Variants in KIF14 observed in about 807,000 individuals in gnomAD.
KIF14 encodes kinesin family member 14.
In KIF14, 98 loss-of-function variants were observed where a neutral mutation model predicts 176.2. The observed-to-expected ratio is 0.56, with a 90% confidence interval of 0.47 to 0.66. The LOEUF (loss-of-function observed/expected upper bound fraction) is 0.66, where lower values mean the gene tolerates loss of function less well. Among genes scored for constraint, KIF14 ranks in the 30% least tolerant of loss-of-function variants. KIF14 has a pLI of 0.00. For missense variants in KIF14, 1,751 were observed against 1,920.4 expected, an observed-to-expected ratio of 0.91 and a Z score of 1.65; for synonymous variants, 566 against 632.2, an observed-to-expected ratio of 0.90 and a Z score of 1.57.
rs761059734 is a variant in KIF14 at position 200,580,347 on chromosome 1, A to G, written c.3372T>C (p.Ser1124=). 2 of 1,523,698 alleles carry G rather than the reference A, an allele frequency of 1.3e-6. No individual in the cohort carries two copies. Among genetic ancestry groups the G allele is most frequent in the South Asian group, 2.7e-5 (2 of 75,078 alleles). 94.4% of individuals were successfully genotyped at this position (1,523,698 alleles called of 1,614,324 possible). ...CTAGTTTCAGGTTACGAACCCGAAT[A>G]GAAGTGTCAGAACTACTTTTATCTG... The part of the protein sequence containing the change: ...DISDKSSSDT[S]IRVRNLKLGI... Residue 1124 remains serine, a synonymous_variant, in exon 21 of 30, where the codon TCT becomes TCC. Coordinates refer to ENST00000367350, the MANE Select transcript of KIF14 (RefSeq NM_014875.3).
At chr1:200,579,954 A>G (rs1347666547) in intron 21 of KIF14, among the ~76,000 whole-genome samples, 1 of 152,070 alleles carries the variant, frequency 6.6e-6, no homozygotes, top group Non-Finnish European at 1.5e-5. Flanking sequence ...TTAAGCTTAA[A>G]TGTAAAAATT....
chr1:200,595,209 T>C (rs1659267570), intron 14 of KIF14, among the ~76,000 whole-genome samples: 1 of 152,230 alleles, frequency 6.6e-6, no homozygotes, highest in Non-Finnish European at 1.5e-5. Context: ...AGCTGTTCTT[T>C]AGGGTTTAAG....
intron 21 of KIF14, among the ~76,000 whole-genome samples, chr1:200,576,944 C>T (rs1483408751): frequency 6.6e-6 from 1 of 151,680 alleles, no homozygotes; most frequent in African/African-American, 2.4e-5. Flanking sequence ...ATCCTCTCAC[C>T]GCAGCCTTCC....
intron 11 of KIF14, among the ~76,000 whole-genome samples, chr1:200,601,216 T>A (rs944432642): frequency 1.3e-5 from 2 of 152,084 alleles, no homozygotes; most frequent in African/African-American, 4.8e-5. Flanking sequence ...ACAGTCCCAC[T>A]TGTGAAACAG....
intron 23 of KIF14, among the ~76,000 whole-genome samples, chr1:200,569,217 G>A (rs1657643812): frequency 2.0e-5 from 3 of 152,042 alleles, no homozygotes; most frequent in Admixed American, 2.0e-4. Context: ...GAGCTACTGT[G>A]CCCAGCCTAG....
At chr1:200,564,635 T>G (rs1657344580) in intron 25 of KIF14, among the ~76,000 whole-genome samples, 1 of 152,190 alleles carries the variant, frequency 6.6e-6, no homozygotes, top group African/African-American at 2.4e-5. Context: ...AAAGACTCTG[T>G]CTCTCTTCCC....
intron 22 of KIF14, among the ~76,000 whole-genome samples, chr1:200,573,439 T>TTTTTTTTTTTC (rs1657930488): frequency 7.5e-6 from 1 of 133,274 alleles, no homozygotes; most frequent in Non-Finnish European, 1.6e-5. Context: ...TTTTTTTTTT[T>TTTTTTTTTTTC]TTTTTTTTTT....
intron 19 of KIF14, among the ~76,000 whole-genome samples, chr1:200,582,279 C>T (rs1658502552): frequency 6.6e-6 from 1 of 151,810 alleles, no homozygotes; most frequent in Non-Finnish European, 1.5e-5. Flanking sequence ...GAGCCTGAGA[C>T]AAGAGGATCA....
rs761973660 is a variant in KIF14, at chr1:200,602,001, T to C, written c.2047A>G (p.Ser683Gly). Residue 683 changes from serine to glycine, a missense_variant, in exon 11 of 30, where the codon AGC becomes GGC. Physicochemically the swap from Ser to Gly is moderately conservative, Grantham distance 56. Coordinates refer to ENST00000367350, the MANE Select transcript of KIF14 (RefSeq NM_014875.3). ...GTGCTTAATGTTTCTTCTATGTTGC[T>C]GGCAGCGGGACTAATCGTAGCAATC... Reference protein sequence around the residue: ...AMIATISPAASNIEETLSTLR... With the variant: ...AMIATISPAAGNIEETLSTLR... 1 of 1,613,994 alleles carries C rather than the reference T, an allele frequency of 6.2e-7. No homozygotes were observed. Among genetic ancestry groups the C allele is most frequent in the East Asian group, 2.2e-5 (1 of 44,850 alleles).
At chr1:200,561,381 A>G (rs7553546) in intron 25 of KIF14, among the ~76,000 whole-genome samples, 33,604 of 151,764 alleles carry the variant, frequency 0.22, 5,212 homozygotes, top group African/African-American at 0.43. Context: ...TCTACTAAAA[A>G]CACAAAAATT....
intron 27 of KIF14, among the ~76,000 whole-genome samples, chr1:200,557,792 A>G (rs779015976): frequency 6.6e-6 from 1 of 152,148 alleles, no homozygotes; most frequent in Non-Finnish European, 1.5e-5. Context: ...ACCCAGAGGG[A>G]CAGAAGCCAA....
chr1:200,618,898 A>G (rs1391515852), intron 1 of KIF14, 60 bp from the exon 2 acceptor site: 1 of 565,766 alleles, frequency 1.8e-6, no homozygotes, highest in Non-Finnish European at 3.1e-6. Flanking sequence ...AAAAATATAG[A>G]GAGAACATCC....
rs1660507635 is a variant in KIF14, at chr1:200,618,232, T to G, written c.492A>C (p.Val164=). The G allele has an allele frequency of 1.2e-6, 2 of 1,613,856 alleles. No homozygotes were observed. The highest frequency in any genetic ancestry group is 1.7e-6 in the Non-Finnish European group (2 of 1,180,024). The change falls in exon 2 of 30, where the codon GTA becomes GTC. Residue 164 remains valine, a synonymous_variant. Coordinates refer to ENST00000367350, the MANE Select transcript of KIF14 (RefSeq NM_014875.3). ...AGTTTTTAGCATTATTTACAATCCT[T>G]ACATTTGTTCTACTTTCCTTAGAAA... The part of the protein sequence containing the change: ...NGVSKESRTN[V]RIVNNAKNSF...
At chr1:200,602,116 A>C in intron 10 of KIF14, 48 bp from the exon 11 acceptor site, 1 of 1,510,338 alleles carries the variant, frequency 6.6e-7, no homozygotes, top group Non-Finnish European at 9.1e-7. Context: ...CAACTTAATA[A>C]CAGTAATTAT....
chr1:200,612,881 CTTTTTTTTTTTTTTT>C (rs58120760), intron 4 of KIF14, among the ~76,000 whole-genome samples: 1 of 79,100 alleles, frequency 1.3e-5, no homozygotes, highest in Non-Finnish European at 2.4e-5. Context: ...AGTTTATTCT[CTTTTTTTTTTTTTTT>C]TTTTTTTTTG....
intron 22 of KIF14, among the ~76,000 whole-genome samples, chr1:200,572,664 G>A (rs1222300433): frequency 6.6e-6 from 1 of 152,102 alleles, no homozygotes. Context: ...AACGTTTAAT[G>A]CTCATTATTA....
chr1:200,558,177 T>C (rs7533417), intron 27 of KIF14, among the ~76,000 whole-genome samples: 120,522 of 151,872 alleles, frequency 0.79, 48,172 homozygotes, highest in African/African-American at 0.89. Context: ...GCTGGTTTCA[T>C]ATTCTGGGCT....
rs779128929 is a variant in KIF14 at position 200,589,189 on chromosome 1, G to C, written c.3114+28C>G. 7.1e-6 allele frequency: 11 copies of C among 1,558,050 alleles called. No individual in the cohort carries two copies. In the Admixed American group the frequency reaches 1.3e-4, roughly 19 times the overall value. On this transcript the variant is annotated intron_variant, in intron 18 of 29. Transcript: ENST00000367350. ...AAAAATCCAGCTTTTTCTCAGAATA[G>C]AGTTAACTGGTTACACAATAAAATT...
intron 14 of KIF14, among the ~76,000 whole-genome samples, chr1:200,595,571 T>A (rs573010120): frequency 3.0e-4 from 45 of 152,298 alleles, no homozygotes; most frequent in Middle Eastern, 6.8e-3. Context: ...ATGTTAATAA[T>A]ACTGTATTTA....
Sources: allele counts gnomAD v4.1 joint callset (sites outside exome capture counted in the v4.1 genomes callset), GRCh38; gene constraint gnomAD v4.1.1; transcripts MANE v1.5; gene names NCBI Gene and HGNC (gene_info 2026-07-23, HGNC 2026-07-21).